Variants in ZNF630 observed in about 807,000 individuals in gnomAD.
The protein encoded by ZNF630 is zinc finger protein 630.
Under a neutral mutation model 7.2 loss-of-function variants are expected in ZNF630, and 5 were observed. The observed-to-expected ratio is 0.70, with a 90% CI of 0.36 to 1.46. The LOEUF is 1.46. Ranked by LOEUF, ZNF630 falls within the 40% of genes most tolerant of loss-of-function variation. ZNF630 has a pLI of 0.03. For synonymous variants in ZNF630, 158 were observed against 162.8 expected (o/e 0.97, Z 0.23); for missense variants, 461 against 477.0 (o/e 0.97, Z 0.31).
At position 48,059,891 on chromosome X, in the gene ZNF630, C is replaced by T; in HGVS notation, c.551G>A (p.Ser184Asn). Residue 184 changes from serine (S) to asparagine (N), a missense_variant, in exon 5 of 5, where the codon AGC (serine) becomes AAC (asparagine). By Grantham distance (46) the Ser-to-Asn change is conservative. Coordinates refer to ENST00000276054, the MANE Select transcript of ZNF630 (RefSeq NM_001282201.2). ...TAGTAAGTCTGAATTAGACTTCAAGCTATTTTCACATGAATCAAACTTATG... is the reference window on the plus strand; with the variant it reads ...TAGTAAGTCTGAATTAGACTTCAAGTTATTTTCACATGAATCAAACTTATG... ...KFHKFDSCENSLKSNSDLLNY... is the reference protein window; with the variant it reads ...KFHKFDSCENNLKSNSDLLNY... 8.3e-7 allele frequency: 1 copy of T among 1,207,908 alleles called. No homozygotes were observed. The highest frequency in any genetic ancestry group is 1.1e-6 in the Non-Finnish European group (1 of 893,097).
chrX:48,067,933 C>T (rs782773716), intron 1 of ZNF630, among the ~76,000 whole-genome samples: 2 of 110,091 alleles, frequency 1.8e-5, no homozygotes, highest in African/African-American at 6.7e-5. Flanking sequence ...TAGTGGTGGG[C>T]GCCTGTATTC....
rs973631774 is a variant in ZNF630 at position 48,057,970 on chromosome X, C to T, written c.*498G>A. ...ACTCGAGAGGGCGAGGCAGGACAAT[C>T]GCTCAAACCTAGGAGGTGGAGGTTG... On this transcript the variant is annotated 3_prime_UTR_variant, in exon 5 of 5. Transcript: ENST00000276054. Among the ~76,000 whole-genome samples, 7 of 110,681 alleles carry T rather than the reference C, an allele frequency of 6.3e-5. No individual in the cohort carries two copies. The highest frequency in any genetic ancestry group is 1.7e-4 in the African/African-American group (5 of 30,220).
intron 1 of ZNF630, among the ~76,000 whole-genome samples, chrX:48,068,052 G>A (rs1211790315): frequency 1.9e-5 from 2 of 106,505 alleles, no homozygotes; most frequent in Non-Finnish European, 3.9e-5. Flanking sequence ...ACGAGCGAGT[G>A]AGGAAAGAGG....
chrX:48,066,962 C>T lies in ZNF630; in HGVS notation c.-76G>A. The T allele has an allele frequency of 9.4e-7, 1 of 1,066,388 alleles. No homozygotes were observed. Among genetic ancestry groups the T allele is most frequent in the South Asian group, 2.0e-5 (1 of 50,971 alleles). 87.9% of individuals were successfully genotyped at this position (1,066,388 alleles called of 1,213,427 possible). On this transcript the variant is annotated 5_prime_UTR_variant, in exon 2 of 5. Coordinates refer to ENST00000276054, the MANE Select transcript of ZNF630 (RefSeq NM_001282201.2). ...GTCTTCGGAGATCAAGCTGAGTTAA[C>T]CACTCTTCAACAGCTGGATGTGACA...
Position 48,059,127 on chromosome X carries a change from T to A in ZNF630, c.1315A>T (p.Thr439Ser). 1 of 1,208,124 alleles carries A rather than the reference T, an allele frequency of 8.3e-7. No homozygotes were observed. Among genetic ancestry groups the A allele is most frequent in the Non-Finnish European group, 1.1e-6 (1 of 893,136 alleles). ...ATGAGGTGGGACTGTTGGCAGAAAG[T>A]TTTCCCACATTCACCACACTTATAG... ...KPYKCGECGK[T>S]FCQQSHLIGH... is the part of the protein sequence containing the mutation. Residue 439 changes from threonine (T) to serine (S), a missense_variant, in exon 5 of 5, where the codon ACT becomes TCT. Thr to Ser is a moderately conservative substitution (Grantham distance 58). Coordinates refer to ENST00000276054, the MANE Select transcript of ZNF630 (RefSeq NM_001282201.2).
intron 2 of ZNF630, among the ~76,000 whole-genome samples, chrX:48,065,888 GGC>G (rs2059128581): frequency 9.0e-6 from 1 of 111,183 alleles, no homozygotes. Context: ...ACAAGGGATT[GGC>G]TAGATCATGA....
intron 2 of ZNF630, among the ~76,000 whole-genome samples, chrX:48,065,423 G>A (rs2059125318): frequency 1.1e-5 from 1 of 91,489 alleles, no homozygotes; most frequent in Admixed American, 1.3e-4. Context: ...CAACTGGGGT[G>A]AAACCCGGTC....
In ZNF630 at chrX:48,065,293, G is replaced by A. The variant is rs2059124797; in HGVS notation, c.15+1579C>T. 7.3e-5 allele frequency among the ~76,000 whole-genome samples: 8 copies of A among 110,147 alleles called. No homozygotes were observed. The South Asian group carries it at 3.1e-3, about 42-fold the overall frequency. ...GAGGTGGGTGGATCACCTGAGGCCA[G>A]GAATTCGAGACCAGCCTGCCCAACA... On this transcript the variant is annotated intron_variant, in intron 2 of 4. Coordinates refer to ENST00000276054, the MANE Select transcript of ZNF630 (RefSeq NM_001282201.2).
chrX:48,060,353 G>A lies in ZNF630; in HGVS notation c.238+97C>T, dbSNP rs781845853. The A allele has an allele frequency of 1.4e-5, 14 of 1,002,613 alleles. No homozygotes were observed. The South Asian group carries it at 3.2e-4, about 23-fold the overall frequency. 82.6% of individuals were successfully genotyped at this position (1,002,613 alleles called of 1,213,427 possible). The stretch of plus-strand genomic sequence containing the variant: ...TTGTAGAATGAATGTTATAAAGGAG[G>A]CCTGATAAATTTTAAGGAAGAAAAA... On this transcript the variant is annotated intron_variant, in intron 4 of 4. Coordinates refer to ENST00000276054, the MANE Select transcript of ZNF630 (RefSeq NM_001282201.2).
At chrX:48,068,261 G>GAGGAAGGAAGGAAGGAAGGA (rs57262250) in intron 1 of ZNF630, among the ~76,000 whole-genome samples, 1 of 93,254 alleles carries the variant, frequency 1.1e-5, no homozygotes, top group African/African-American at 3.9e-5. Flanking sequence ...GGGAGGGAGA[G>GAGGAAGGAAGGAAGGAAGGA]AGGAAGGAAG....
intron 2 of ZNF630, chrX:48,061,911 G>A: frequency 4.7e-6 from 1 of 211,026 alleles, no homozygotes; most frequent in Admixed American, 5.7e-5. Flanking sequence ...ATAGTGACAT[G>A]AGAACAGACT....
At position 48,068,261 on chromosome X, in the gene ZNF630, GAGGAAGGAAGGAAGGAAGGA is replaced by G. The variant is rs57262250; in HGVS notation, c.-175-1220_-175-1201del. 1.1e-4 allele frequency among the ~76,000 whole-genome samples: 10 copies of G among 93,276 alleles called. No individual in the cohort carries two copies. In the East Asian group the frequency reaches 1.4e-3, roughly 13 times the overall value. 81.0% of individuals were successfully genotyped at this position (93,276 alleles called of 115,157 possible). ...AAAAGAAAAGAGGGAGGGAGGGAGAGAGGAAGGAAGGAAGGAAGGAAGGAAGGAAGGAAGGAAGAAAGGGA... is the reference window on the plus strand; with the variant it reads ...AAAAGAAAAGAGGGAGGGAGGGAGAGAGGAAGGAAGGAAGGAAGAAAGGGA... On this transcript the variant is annotated intron_variant, in intron 1 of 4. Transcript: ENST00000276054.
intron 2 of ZNF630, among the ~76,000 whole-genome samples, chrX:48,061,627 C>T (rs1287997592): frequency 8.9e-6 from 1 of 111,749 alleles, no homozygotes; most frequent in Non-Finnish European, 1.9e-5. Flanking sequence ...ATTGCAATCC[C>T]CACTTGTCAA....
chrX:48,060,128 C>T lies in ZNF630; in HGVS notation c.314G>A (p.Arg105Lys). The T allele has an allele frequency of 8.5e-7, 1 of 1,171,321 alleles. No homozygotes were observed. The highest frequency in any genetic ancestry group is 1.1e-6 in the Non-Finnish European group (1 of 873,511). Residue 105 changes from arginine to lysine, a missense_variant, in exon 5 of 5, where the codon AGA (arginine) becomes AAA (lysine). Transcript: ENST00000276054. ...ELLFQREILERAPKDNSLYSV... is the reference protein window; with the variant it reads ...ELLFQREILEKAPKDNSLYSV... The stretch of plus-strand genomic sequence containing the variant: ...GTACAATGAATTATCCTTTGGGGCT[C>T]TTTCTAGTATCTCCCTTTGAAATAA...
rs781845336 is a variant in ZNF630, at chrX:48,066,511, C to A, written c.15+361G>T. ...CTCTTTAGAACAACTACTGACAATA[C>A]CACCCTGGACTGAAAACCACTGACC... On this transcript the variant is annotated intron_variant, in intron 2 of 4. Coordinates refer to ENST00000276054, the MANE Select transcript of ZNF630 (RefSeq NM_001282201.2). 5.2e-5 allele frequency: 10 copies of A among 193,258 alleles called. No individual in the cohort carries two copies. The South Asian group carries it at 1.3e-3, about 26-fold the overall frequency. The allele number at this position is 193,258 out of a possible 1,213,427, so 15.9% of individuals were successfully genotyped here.
At chrX:48,068,209 A>G (rs868981015) in intron 1 of ZNF630, among the ~76,000 whole-genome samples, 883 of 60,810 alleles carry the variant, frequency 0.015, 13 homozygotes, top group African/African-American at 0.042. Flanking sequence ...GAAAGAAAAG[A>G]AAAGAAAAGA....
chrX:48,060,296 G>C, intron 4 of ZNF630, 93 bp from the exon 5 acceptor site: 1 of 971,330 alleles, frequency 1.0e-6, no homozygotes, highest in Non-Finnish European at 1.4e-6. Flanking sequence ...CAAAACAGTT[G>C]GCAATGAACA....
In ZNF630 at chrX:48,058,867, G is replaced by C. The variant is rs781798536; in HGVS notation, c.1575C>G (p.Ser525=). The C allele has an allele frequency of 8.3e-7, 1 of 1,207,544 alleles. No individual in the cohort carries two copies. Among genetic ancestry groups the C allele is most frequent in the South Asian group, 1.8e-5 (1 of 56,707 alleles). ...YQCGECGKTF[S]QKSLLIIHLR... ...GATGAATAATGAGGAGTGATTTCTG[G>C]GAGAAGGTTTTGCCACATTCACCAC... is the stretch of plus-strand genomic sequence containing the variant. The change falls in exon 5 of 5, where the codon TCC becomes TCG. Residue 525 remains serine, a synonymous_variant. Coordinates refer to ENST00000276054, the MANE Select transcript of ZNF630 (RefSeq NM_001282201.2).
Position 48,071,566 on chromosome X carries a change from G to A in ZNF630, c.-475C>T, listed in dbSNP as rs1556911074. On this transcript the variant is annotated 5_prime_UTR_variant, in exon 1 of 5. Coordinates refer to ENST00000276054, the MANE Select transcript of ZNF630 (RefSeq NM_001282201.2). ...CCGGGGGAGTCCTCGTGATATCTCCGAGTTTGGGTATTCGGAATTGATCCT... is the reference window on the plus strand; with the variant it reads ...CCGGGGGAGTCCTCGTGATATCTCCAAGTTTGGGTATTCGGAATTGATCCT... 9.0e-6 allele frequency: 1 copy of A among 111,022 alleles called. No individual in the cohort carries two copies. Among genetic ancestry groups the A allele is most frequent in the African/African-American group, 3.3e-5 (1 of 30,372 alleles). The allele number at this position is 111,022 out of a possible 1,213,427, so 9.1% of individuals were successfully genotyped here.
Sources: gnomAD v4.1 joint callset for allele counts (sites outside exome capture counted in the v4.1 genomes callset) on GRCh38, gnomAD v4.1.1 for gene constraint, MANE v1.5 for transcripts, NCBI Gene and HGNC (gene_info 2026-07-23, HGNC 2026-07-21) for gene names.